The following FREM1 variants were observed in gnomAD, a reference collection of about 807,000 sequenced individuals.
The protein encoded by FREM1 is FRAS1-related extracellular matrix protein 1.
A neutral mutation model predicts 210.1 loss-of-function variants in FREM1; 220 were observed. That is an observed-to-expected ratio of 1.05 (90% confidence interval 0.94 to 1.17). The LOEUF (loss-of-function observed/expected upper bound fraction) is 1.17, where lower values mean the gene tolerates loss of function less well. FREM1 is among the 50% of genes most tolerant of loss of function. FREM1 has a pLI of 0.00. For missense variants in FREM1, 3,454 were observed against 2,675.5 expected, an observed-to-expected ratio of 1.29 and a Z score of -6.42; for synonymous variants, 1,189 against 980.2, an observed-to-expected ratio of 1.21 and a Z score of -3.98.
chr9:14,849,558 A>G (rs1158351070), intron 6 of FREM1, among the ~76,000 whole-genome samples: 3 of 152,224 alleles, frequency 2.0e-5, no homozygotes, highest in African/African-American at 7.2e-5. Context: ...ATGGAAGAGG[A>G]TAAGATAAAT....
chr9:14,754,455 G>C (rs780195719), intron 29 of FREM1, among the ~76,000 whole-genome samples: 38 of 152,144 alleles, frequency 2.5e-4, no homozygotes, highest in Non-Finnish European at 5.3e-4. Flanking sequence ...ACAGATTTTT[G>C]CATGTCGAAG....
At position 14,805,753 on chromosome 9, in the gene FREM1, G is replaced by A. The variant is rs531912032; in HGVS notation, c.3275-601C>T. 3.3e-5 allele frequency among the ~76,000 whole-genome samples: 5 copies of A among 152,300 alleles called. No homozygotes were observed. The East Asian group carries it at 7.7e-4, about 23-fold the overall frequency. ...ATTCAGTCTCTTTCATATTTAAAAT[G>A]GACATTCTTCAAAAGGGGTTTGGAG... On this transcript the variant is annotated intron_variant, in intron 18 of 36. Transcript: ENST00000380880.
At chr9:14,898,445 G>C (rs1457423278) in intron 1 of FREM1, among the ~76,000 whole-genome samples, 1 of 152,106 alleles carries the variant, frequency 6.6e-6, no homozygotes, top group East Asian at 1.9e-4. Flanking sequence ...ACATTTGTCA[G>C]AACCCATAGA....
chr9:14,801,104 T>C (rs1817201037), intron 20 of FREM1, among the ~76,000 whole-genome samples: 1 of 152,140 alleles, frequency 6.6e-6, no homozygotes, highest in African/African-American at 2.4e-5. Context: ...GCTCAAGCGA[T>C]TTCGTGCCTC....
Position 14,760,034 on chromosome 9 carries a change from T to A in FREM1, c.5205-133A>T, listed in dbSNP as rs770429516. 1.8e-5 allele frequency: 10 copies of A among 565,034 alleles called. No homozygotes were observed. The Admixed American group carries it at 3.1e-4, about 17-fold the overall frequency. The allele number at this position is 565,034 out of a possible 1,614,324, so 35.0% of individuals were successfully genotyped here. Reference sequence around the variant, plus strand: ...TGATGGAAATTCCTTAAGACTTATTTGACACATTTTAGTTCACAAAGAATG... The same window carrying A: ...TGATGGAAATTCCTTAAGACTTATTAGACACATTTTAGTTCACAAAGAATG... On this transcript the variant is annotated intron_variant, in intron 27 of 36. Transcript: ENST00000380880.
At position 14,812,941 on chromosome 9, in the gene FREM1, C is replaced by G. The variant is rs747401637; in HGVS notation, c.2764G>C (p.Asp922His). 1.2e-6 allele frequency: 2 copies of G among 1,613,830 alleles called. No homozygotes were observed. Among genetic ancestry groups the G allele is most frequent in the African/African-American group, 2.7e-5 (2 of 74,918 alleles). Residue 922 changes from aspartate to histidine, a missense_variant, in exon 16 of 37, where the codon GAT becomes CAT. By Grantham distance (81) the Asp-to-His change is moderately conservative (BLOSUM62 -1). Coordinates refer to ENST00000380880, the MANE Select transcript of FREM1 (RefSeq NM_001379081.2). ...EYIFATDVDSDNLKLMFVIAR... is the reference protein window; with the variant it reads ...EYIFATDVDSHNLKLMFVIAR... Reference sequence around the variant, plus strand: ...ATCACAAACATCAACTTCAAGTTATCGCTGTCCACATCAGTAGCAAAAATG... The same window carrying G: ...ATCACAAACATCAACTTCAAGTTATGGCTGTCCACATCAGTAGCAAAAATG...
At chr9:14,791,267 A>G (rs1412019111) in intron 22 of FREM1, 1 of 152,198 alleles carries the variant, frequency 6.6e-6, no homozygotes, top group East Asian at 1.9e-4. Context: ...GCCTAAAGTG[A>G]AACAAGGACA....
At chr9:14,808,185 C>T (rs1818728675) in intron 16 of FREM1, 51 bp from the exon 17 acceptor site, 1 of 1,244,592 alleles carries the variant, frequency 8.0e-7, no homozygotes, top group Non-Finnish European at 1.1e-6. Context: ...ATATAGAATA[C>T]CAAGATGAAA....
chr9:14,798,845 T>C (rs1222594224), intron 20 of FREM1, among the ~76,000 whole-genome samples: 2 of 152,034 alleles, frequency 1.3e-5, no homozygotes, highest in African/African-American at 4.8e-5. Flanking sequence ...GGCTAATTTT[T>C]GTATTTTTAA....
At chr9:14,861,108 C>CAT (rs1248608668) in intron 3 of FREM1, among the ~76,000 whole-genome samples, 3 of 101,416 alleles carry the variant, frequency 3.0e-5, no homozygotes, top group African/African-American at 1.6e-4. Flanking sequence ...AACATATATA[C>CAT]ACATATATAT....
At chr9:14,873,653 G>C (rs1456599868) in intron 1 of FREM1, among the ~76,000 whole-genome samples, 2 of 151,958 alleles carry the variant, frequency 1.3e-5, no homozygotes, top group Non-Finnish European at 2.9e-5. Context: ...AGGGTTTTTT[G>C]TGTCTCTATT....
chr9:14,760,656 A>C (rs1270292478), intron 27 of FREM1, among the ~76,000 whole-genome samples: 3 of 152,152 alleles, frequency 2.0e-5, no homozygotes, highest in Non-Finnish European at 4.4e-5. Flanking sequence ...AGAGAGGTTA[A>C]GTAACTAACT....
chr9:14,782,228 T>C, intron 24 of FREM1: 1 of 319,318 alleles, frequency 3.1e-6, no homozygotes, highest in Non-Finnish European at 4.5e-6. Context: ...GATCCAGAAA[T>C]GTAGAAATTC....
chr9:14,759,518 C>CAATAATAATAATAAT (rs6150928), intron 28 of FREM1, among the ~76,000 whole-genome samples: 16,174 of 142,978 alleles, frequency 0.11, 1,026 homozygotes, highest in Non-Finnish European at 0.12. Flanking sequence ...CTCAAAATAA[C>CAATAATAATAATAAT]AATAATAATA....
chr9:14,881,615 G>A (rs941982671), intron 1 of FREM1, among the ~76,000 whole-genome samples: 9 of 152,200 alleles, frequency 5.9e-5, no homozygotes, highest in Non-Finnish European at 7.4e-5. Flanking sequence ...TGTTTCCTTC[G>A]TTTCACTTAT....
intron 3 of FREM1, 55 bp from the exon 4 acceptor site, chr9:14,859,539 AC>A (rs1257035530): frequency 1.2e-5 from 17 of 1,426,312 alleles, no homozygotes; most frequent in Admixed American, 2.0e-5. Flanking sequence ...TATTTCTGAT[AC>A]CCATGTACTC....
chr9:14,907,576 G>T (rs1404770436), intron 1 of FREM1, among the ~76,000 whole-genome samples: 2 of 152,184 alleles, frequency 1.3e-5, no homozygotes, highest in Non-Finnish European at 2.9e-5. Context: ...ATGTAACCTG[G>T]CGCAGGGAAA....
Position 14,890,340 on chromosome 9 carries a change from T to C in FREM1, c.-268+19574A>G, listed in dbSNP as rs145683129. On this transcript the variant is annotated intron_variant, in intron 1 of 36. Coordinates refer to ENST00000380880, the MANE Select transcript of FREM1 (RefSeq NM_001379081.2). ...CCTGCCATGTTTTGCAAACTGTGCTTGTGAAAATGAATATTTTGGAGACGT... is the reference window on the plus strand; with the variant it reads ...CCTGCCATGTTTTGCAAACTGTGCTCGTGAAAATGAATATTTTGGAGACGT... 3.8e-3 allele frequency among the ~76,000 whole-genome samples: 584 copies of C among 152,340 alleles called. 5 individuals are homozygous for C. The highest frequency in any genetic ancestry group is 0.013 in the African/African-American group (554 of 41,578).
chr9:14,742,028 A>G (rs1841662525), intron 35 of FREM1, among the ~76,000 whole-genome samples: 1 of 152,230 alleles, frequency 6.6e-6, no homozygotes, highest in Admixed American at 6.5e-5. Context: ...GAGCATAGTT[A>G]TTCGCAAAAG....
Sources: gnomAD v4.1 joint callset for allele counts (sites outside exome capture counted in the v4.1 genomes callset) on GRCh38, gnomAD v4.1.1 for gene constraint, MANE v1.5 for transcripts, NCBI Gene and HGNC (gene_info 2026-07-23, HGNC 2026-07-21) for gene names.